The following DOCK3 variants were observed in gnomAD, a reference collection of about 807,000 sequenced individuals.
DOCK3 encodes dedicator of cytokinesis protein 3.
DOCK3 carries 60 observed loss-of-function variants against 265.6 expected under a neutral mutation model. That is an observed-to-expected ratio of 0.23 (90% CI 0.18 to 0.28). The LOEUF (loss-of-function observed/expected upper bound fraction) is 0.28, where lower values mean the gene tolerates loss of function less well. Among genes scored for constraint, DOCK3 ranks in the 10% least tolerant of loss-of-function variants. The probability of loss-of-function intolerance (pLI) is 1.00; values close to 1 mark genes in which losing one functional copy is unlikely to be tolerated. For missense variants in DOCK3, 1,981 were observed against 2,594.3 expected (o/e 0.76, Z 5.14); for synonymous variants, 881 against 938.0 (o/e 0.94, Z 1.11).
intron 12 of DOCK3, among the ~76,000 whole-genome samples, chr3:51,194,191 T>C (rs1186335616): frequency 6.6e-6 from 1 of 152,172 alleles, no homozygotes; most frequent in Admixed American, 6.5e-5. Flanking sequence ...GTTGTTTAAT[T>C]TCTATGTATT....
rs1480361 is a variant in DOCK3, at chr3:51,236,342, T to G, written c.1918-3T>G. 6.2e-7 allele frequency: 1 copy of G among 1,612,504 alleles called. No individual in the cohort carries two copies. The highest frequency in any genetic ancestry group is 8.5e-7 in the Non-Finnish European group (1 of 1,178,564). On this transcript the variant is annotated splice_polypyrimidine_tract_variant and splice_region_variant and intron_variant, in intron 19 of 52. Coordinates refer to ENST00000266037, the MANE Select transcript of DOCK3 (RefSeq NM_004947.5). ...GAGCCCTCTGCTTTTTATGTTGTTT[T>G]AGTTTCTGCAGGACATCTTAGATAC... is the stretch of plus-strand genomic sequence containing the variant.
At chr3:50,906,166 A>C (rs532840195) in intron 4 of DOCK3, among the ~76,000 whole-genome samples, 20 of 152,164 alleles carry the variant, frequency 1.3e-4, no homozygotes, top group African/African-American at 4.6e-4. Context: ...TCGGTTTGCC[A>C]GTATTTTATT....
Position 51,312,038 on chromosome 3 carries a change from G to A in DOCK3, c.3052G>A (p.Ala1018Thr). ...CACTACTGTCCAGTACCTGTCCTCTGCACTGCACAAGAATTTCACAGAGAC... is the reference window on the plus strand; with the variant it reads ...CACTACTGTCCAGTACCTGTCCTCTACACTGCACAAGAATTTCACAGAGAC... ...IVTTVQYLSSALHKNFTETDF... is the reference protein window; with the variant it reads ...IVTTVQYLSSTLHKNFTETDF... Residue 1018 changes from alanine (A) to threonine (T), a missense_variant, in exon 29 of 53, where the codon GCA becomes ACA. Coordinates refer to ENST00000266037, the MANE Select transcript of DOCK3 (RefSeq NM_004947.5). The A allele has an allele frequency of 6.2e-7, 1 of 1,606,906 alleles. No homozygotes were observed. Among genetic ancestry groups the A allele is most frequent in the South Asian group, 1.1e-5 (1 of 89,414 alleles).
In DOCK3 at chr3:50,925,824, C is replaced by CTTTTTTTTTTTTTT. The variant is rs368819970; in HGVS notation, c.219-8146_219-8133dup. 8.7e-4 allele frequency among the ~76,000 whole-genome samples: 77 copies of CTTTTTTTTTTTTTT among 88,418 alleles called. 7 individuals are homozygous for CTTTTTTTTTTTTTT. The highest frequency in any genetic ancestry group is 3.8e-3 in the African/African-American group (73 of 19,394). The allele number at this position is 88,418 out of a possible 152,430, so 58.0% of individuals were successfully genotyped here. ...TCAGCAGCTACTAGGTAAAACTAGT[C>CTTTTTTTTTTTTTT]TTTTTTTTTTTTTTTTTTTTTTTTG... On this transcript the variant is annotated intron_variant, in intron 4 of 52. Transcript: ENST00000266037.
chr3:51,375,391 C>T lies in DOCK3; in HGVS notation c.5413-357C>T, dbSNP rs74974237. 3.9e-3 allele frequency among the ~76,000 whole-genome samples: 592 copies of T among 152,328 alleles called. 6 individuals are homozygous for T. Among genetic ancestry groups the T allele is most frequent in the African/African-American group, 0.013 (558 of 41,576 alleles). On this transcript the variant is annotated intron_variant, in intron 50 of 52. Coordinates refer to ENST00000266037, the MANE Select transcript of DOCK3 (RefSeq NM_004947.5). ...GCAGGGCCTCTCCAGGAGGCTAAAC[C>T]TGTCAGTGCTCATGGGGAAGTGGGG...
intron 1 of DOCK3, among the ~76,000 whole-genome samples, chr3:50,714,266 C>A (rs1236840226): frequency 1.3e-5 from 2 of 152,236 alleles, no homozygotes; most frequent in Admixed American, 6.5e-5. Context: ...TTCTTAAAAC[C>A]TTTTTATTGC....
At chr3:51,010,345 G>A (rs573558091) in intron 5 of DOCK3, among the ~76,000 whole-genome samples, 1 of 152,040 alleles carries the variant, frequency 6.6e-6, no homozygotes, top group Non-Finnish European at 1.5e-5. Context: ...GCTCTTCTTG[G>A]TGAATTGATC....
rs920024107 is a variant in DOCK3, at chr3:51,361,491, G to A, written c.5007-368G>A. ...TCATGGTGTGGGGGGGTTGGGGGGTGGGCACTGACCCAGACTAATACCCCA... is the reference window on the plus strand; with the variant it reads ...TCATGGTGTGGGGGGGTTGGGGGGTAGGCACTGACCCAGACTAATACCCCA... On this transcript the variant is annotated intron_variant, in intron 47 of 52. Transcript: ENST00000266037. The surrounding 1 kb of genome is among the most constrained non-coding windows in gnomAD (Gnocchi z 4.2). 6.6e-6 allele frequency among the ~76,000 whole-genome samples: 1 copy of A among 151,980 alleles called. No homozygotes were observed. Among genetic ancestry groups the A allele is most frequent in the Non-Finnish European group, 1.5e-5 (1 of 67,974 alleles).
At chr3:50,929,505 C>T (rs2050944281) in intron 4 of DOCK3, among the ~76,000 whole-genome samples, 1 of 152,184 alleles carries the variant, frequency 6.6e-6, no homozygotes, top group Non-Finnish European at 1.5e-5. Context: ...GTGAATCTGG[C>T]CTTGCTTCTC....
intron 1 of DOCK3, among the ~76,000 whole-genome samples, chr3:50,711,929 T>C (rs549586892): frequency 6.6e-6 from 1 of 152,296 alleles, no homozygotes; most frequent in Admixed American, 6.5e-5. Context: ...AATTTGTCCA[T>C]TTCACGTAAA....
rs570133765 is a variant in DOCK3, at chr3:51,009,024, A to G, written c.316-55424A>G. On this transcript the variant is annotated intron_variant, in intron 5 of 52. Coordinates refer to ENST00000266037, the MANE Select transcript of DOCK3 (RefSeq NM_004947.5). ...GTGCCGCTGGATTTGGTTTACCAGT[A>G]TTTTATTGAGGATTTTCACATCAGT... 6.6e-5 allele frequency among the ~76,000 whole-genome samples: 10 copies of G among 152,260 alleles called. No homozygotes were observed. The South Asian group carries it at 1.7e-3, about 25-fold the overall frequency.
chr3:50,822,983 G>T (rs1438722550), intron 2 of DOCK3, among the ~76,000 whole-genome samples: 4 of 152,120 alleles, frequency 2.6e-5, no homozygotes, highest in Non-Finnish European at 5.9e-5. Context: ...GAACTGATTT[G>T]TGTTTGAATA....
At chr3:50,710,153 A>G (rs1484087398) in intron 1 of DOCK3, among the ~76,000 whole-genome samples, 1 of 152,234 alleles carries the variant, frequency 6.6e-6, no homozygotes, top group Non-Finnish European at 1.5e-5. Flanking sequence ...AACAAAAATA[A>G]AAATAAATAG....
intron 5 of DOCK3, among the ~76,000 whole-genome samples, chr3:51,041,755 C>G (rs769434240): frequency 7.2e-5 from 11 of 152,150 alleles, no homozygotes; most frequent in Non-Finnish European, 1.3e-4. Context: ...TAGCTGTAAA[C>G]AGATAGGCTG....
chr3:51,350,177 A>T, intron 39 of DOCK3, 111 bp from the exon 40 acceptor site: 2 of 890,134 alleles, frequency 2.2e-6, no homozygotes, highest in Non-Finnish European at 3.5e-6. Flanking sequence ...TCTTATCTAG[A>T]TTGAGTTGCC....
chr3:51,022,620 T>G (rs2079642296), intron 5 of DOCK3, among the ~76,000 whole-genome samples: 1 of 152,192 alleles, frequency 6.6e-6, no homozygotes. Context: ...GTATTAGTCC[T>G]TTGTGGGATG....
intron 21 of DOCK3, among the ~76,000 whole-genome samples, chr3:51,240,614 TC>T (rs1190361582): frequency 6.6e-6 from 1 of 152,238 alleles, no homozygotes; most frequent in Non-Finnish European, 1.5e-5. Flanking sequence ...ATCTAGGTGC[TC>T]CTGTGTTGGG....
At chr3:51,339,300 G>A (rs1442800182) in intron 37 of DOCK3, among the ~76,000 whole-genome samples, 3 of 152,188 alleles carry the variant, frequency 2.0e-5, no homozygotes, top group Non-Finnish European at 4.4e-5. Context: ...CCCCTCTGAA[G>A]TCTCAAGGGT....
chr3:50,887,326 C>T (rs2048397091), intron 3 of DOCK3, among the ~76,000 whole-genome samples: 1 of 148,184 alleles, frequency 6.7e-6, no homozygotes, highest in Non-Finnish European at 1.5e-5. Flanking sequence ...GAAGTCGAAT[C>T]CCTGAAGAGG....
Sources: gnomAD v4.1 joint callset for allele counts (sites outside exome capture counted in the v4.1 genomes callset) on GRCh38, gnomAD v4.1.1 for gene constraint, Gnocchi (gnomAD v3.1) non-coding constraint, MANE v1.5 for transcripts, NCBI Gene and HGNC (gene_info 2026-07-23, HGNC 2026-07-21) for gene names.